Variants in RPH3AL observed in about 807,000 individuals in gnomAD.
The protein encoded by RPH3AL is rab effector Noc2.
RPH3AL carries 38 observed loss-of-function variants against 43.1 expected under a neutral mutation model. The observed-to-expected ratio is 0.88, with a 90% CI of 0.68 to 1.15. The LOEUF (loss-of-function observed/expected upper bound fraction) is 1.15, where lower values mean the gene tolerates loss of function less well. Among genes scored for constraint, RPH3AL ranks in the 50% most tolerant of loss-of-function variants. The pLI is 0.00. For missense variants in RPH3AL, 462 were observed against 423.2 expected, an observed-to-expected ratio of 1.09 and a Z score of -0.81; for synonymous variants, 189 against 176.3, an observed-to-expected ratio of 1.07 and a Z score of -0.57.
intron 1 of RPH3AL, among the ~76,000 whole-genome samples, chr17:351,435 C>T (rs1015398707): frequency 1.5e-4 from 23 of 152,286 alleles, no homozygotes; most frequent in African/African-American, 5.1e-4. Context: ...ACCCTCTGTT[C>T]CCTACAGGAC....
chr17:340,326 C>T (rs566758673), intron 1 of RPH3AL, among the ~76,000 whole-genome samples: 1 of 139,350 alleles, frequency 7.2e-6, no homozygotes, highest in Non-Finnish European at 1.6e-5. Context: ...TGGTGTCATA[C>T]CTCATGCCCA....
At chr17:252,748 G>A (rs1219549723) in intron 6 of RPH3AL, among the ~76,000 whole-genome samples, 2 of 152,152 alleles carry the variant, frequency 1.3e-5, no homozygotes, top group African/African-American at 4.8e-5. Context: ...CAAAATGCTT[G>A]GGACAGAAGT....
rs573572641 is a variant in RPH3AL at position 333,076 on chromosome 17, A to G, written c.-37+683T>C. The G allele has an allele frequency of 7.0e-6, 9 of 1,288,738 alleles. No homozygotes were observed. The highest frequency in any genetic ancestry group is 1.1e-4 in the East Asian group (2 of 17,994). 79.8% of individuals were successfully genotyped at this position (1,288,738 alleles called of 1,614,324 possible). A position where few individuals can be genotyped will look rare whatever the true frequency, so the allele number is the denominator to read the frequency against. ...TCCAGGAGGATGCAATTCTCTCTCTAAAGTCGAGAGCTCACCACCCCGGGC... is the reference window on the plus strand; with the variant it reads ...TCCAGGAGGATGCAATTCTCTCTCTGAAGTCGAGAGCTCACCACCCCGGGC... On this transcript the variant is annotated intron_variant, in intron 2 of 9. Coordinates refer to ENST00000331302, the MANE Select transcript of RPH3AL (RefSeq NM_006987.4). The surrounding 1 kb of genome is among the most constrained non-coding windows in gnomAD (Gnocchi z 4.5).
intron 5 of RPH3AL, among the ~76,000 whole-genome samples, chr17:308,377 G>C (rs778957436): frequency 2.6e-5 from 4 of 152,194 alleles, no homozygotes; most frequent in African/African-American, 9.7e-5. Context: ...CAGCTGCCAC[G>C]GAAAGCAGGG....
At chr17:314,596 C>A (rs879144891) in intron 5 of RPH3AL, among the ~76,000 whole-genome samples, 1 of 149,332 alleles carries the variant, frequency 6.7e-6, no homozygotes, top group Non-Finnish European at 1.5e-5. Flanking sequence ...TGTGCTCCAC[C>A]TCCACTGACC....
intron 5 of RPH3AL, among the ~76,000 whole-genome samples, chr17:306,963 G>A (rs970127797): frequency 6.6e-6 from 1 of 152,148 alleles, no homozygotes; most frequent in African/African-American, 2.4e-5. Context: ...GCCTGCTCCT[G>A]AAGTGCCCTC....
rs1465611332 is a variant in RPH3AL, at chr17:215,257, G to C, written c.876+397C>G. ...ACCAGGGCTGGGCCCAGCAGGTGCA[G>C]GGCAGGGTGGGAGCCCAGGATTCTC... is the stretch of plus-strand genomic sequence containing the variant. On this transcript the variant is annotated intron_variant, in intron 9 of 9. Transcript: ENST00000331302. The surrounding 1 kb of genome is among the most constrained non-coding windows in gnomAD (Gnocchi z 4.1). 1.3e-5 allele frequency among the ~76,000 whole-genome samples: 2 copies of C among 152,200 alleles called. No individual in the cohort carries two copies. Among genetic ancestry groups the C allele is most frequent in the African/African-American group, 4.8e-5 (2 of 41,454 alleles).
At chr17:224,872 C>A (rs560685612) in intron 7 of RPH3AL, among the ~76,000 whole-genome samples, 2 of 150,158 alleles carry the variant, frequency 1.3e-5, no homozygotes, top group Non-Finnish European at 2.9e-5. Flanking sequence ...AGACAAAAAA[C>A]CAAACAGTGC....
intron 5 of RPH3AL, among the ~76,000 whole-genome samples, chr17:316,296 C>T (rs1161183624): frequency 7.0e-6 from 1 of 143,636 alleles, no homozygotes; most frequent in Non-Finnish European, 1.5e-5. Flanking sequence ...AGTCTCTGTG[C>T]TCCACCTCCA....
intron 1 of RPH3AL, among the ~76,000 whole-genome samples, chr17:347,529 A>G (rs1207114569): frequency 1.3e-5 from 2 of 151,920 alleles, no homozygotes; most frequent in Non-Finnish European, 2.9e-5. Context: ...GGTGGCAGGG[A>G]GCCGTGACTG....
chr17:252,924 A>G (rs577716001), intron 6 of RPH3AL, among the ~76,000 whole-genome samples: 23 of 152,314 alleles, frequency 1.5e-4, no homozygotes, highest in Admixed American at 8.5e-4. Flanking sequence ...CCTATATTCC[A>G]CAGAGCGGGA....
At chr17:249,500 A>C (rs1488783273) in intron 6 of RPH3AL, among the ~76,000 whole-genome samples, 1 of 151,446 alleles carries the variant, frequency 6.6e-6, no homozygotes, top group Non-Finnish European at 1.5e-5. Context: ...CACCACCGCC[A>C]CCCCCCTCCT....
Position 323,677 on chromosome 17 carries a change from G to A in RPH3AL, c.78-2262C>T, listed in dbSNP as rs1394156799. ...GGAACACACAGAAGGAGGGACAGAA[G>A]CATCAGCACCGCCACCACTGCCTGT... On this transcript the variant is annotated intron_variant, in intron 3 of 9. Coordinates refer to ENST00000331302, the MANE Select transcript of RPH3AL (RefSeq NM_006987.4). The surrounding 1 kb of genome is among the most constrained non-coding windows in gnomAD (Gnocchi z 4.4). Among the ~76,000 whole-genome samples the A allele has an allele frequency of 2.0e-5, 3 of 152,172 alleles. No individual in the cohort carries two copies. Among genetic ancestry groups the A allele is most frequent in the African/African-American group, 7.2e-5 (3 of 41,418 alleles).
rs1567597157 is a variant in RPH3AL at position 264,539 on chromosome 17, G to A, written c.438+17229C>T. On this transcript the variant is annotated intron_variant, in intron 6 of 9. Coordinates refer to ENST00000331302, the MANE Select transcript of RPH3AL (RefSeq NM_006987.4). This position sits in a 1 kb window ranked among gnomAD's most constrained non-coding sequence, Gnocchi z 4.8. ...TTACCCTTCGGAGCCGTGCGCGCTG[G>A]ATGGGGACTCAGAATCCGCACCGTG... Among the ~76,000 whole-genome samples, 2 of 152,080 alleles carry A rather than the reference G, an allele frequency of 1.3e-5. No individual in the cohort carries two copies. Among genetic ancestry groups the A allele is most frequent in the African/African-American group, 4.8e-5 (2 of 41,368 alleles).
At chr17:320,641 C>G (rs530386687) in intron 4 of RPH3AL, among the ~76,000 whole-genome samples, 151 of 151,588 alleles carry the variant, frequency 1.0e-3, no homozygotes, top group Non-Finnish European at 1.6e-3. Context: ...CCTGTCCCCC[C>G]CAAAAAAAAA....
At position 225,666 on chromosome 17, in the gene RPH3AL, G is replaced by A. The variant is rs990016048; in HGVS notation, c.614-5930C>T. Among the ~76,000 whole-genome samples the A allele has an allele frequency of 3.9e-5, 6 of 152,320 alleles. No homozygotes were observed. The highest frequency in any genetic ancestry group is 5.9e-5 in the Non-Finnish European group (4 of 68,018). On this transcript the variant is annotated intron_variant, in intron 7 of 9. Coordinates refer to ENST00000331302, the MANE Select transcript of RPH3AL (RefSeq NM_006987.4). The surrounding 1 kb of genome is among the most constrained non-coding windows in gnomAD (Gnocchi z 4.4). ...GGGTGGGGTGGCTCGTCTGCACACC[G>A]GTTTCCGCCTCTCTCTGGCAGAGAT... is the stretch of plus-strand genomic sequence containing the variant.
In RPH3AL at chr17:328,768, A is replaced by G. The variant is rs2044678143; in HGVS notation, c.-36-1189T>C. ...TTACAATGGATTATTATTATTTACA[A>G]TGGAGTATGATTTACAATGGATTAT... is the stretch of plus-strand genomic sequence containing the variant. On this transcript the variant is annotated intron_variant, in intron 2 of 9. Coordinates refer to ENST00000331302, the MANE Select transcript of RPH3AL (RefSeq NM_006987.4). The surrounding 1 kb of genome is among the most constrained non-coding windows in gnomAD (Gnocchi z 4.2). Among the ~76,000 whole-genome samples the G allele has an allele frequency of 6.6e-6, 1 of 152,212 alleles. No individual in the cohort carries two copies. The highest frequency in any genetic ancestry group is 2.1e-4 in the South Asian group (1 of 4,830).
intron 1 of RPH3AL, among the ~76,000 whole-genome samples, chr17:346,809 C>A (rs2045245344): frequency 7.4e-6 from 1 of 135,356 alleles, no homozygotes; most frequent in Admixed American, 7.1e-5. Context: ...GCAAACAAGC[C>A]AATGAAAAGA....
intron 5 of RPH3AL, among the ~76,000 whole-genome samples, chr17:294,583 G>A (rs2043126459): frequency 2.1e-5 from 3 of 146,010 alleles, no homozygotes; most frequent in South Asian, 2.2e-4. Flanking sequence ...TGCAGAAATG[G>A]ATGGACAGAG....
Sources: allele counts gnomAD v4.1 joint callset (sites outside exome capture counted in the v4.1 genomes callset), GRCh38; gene constraint gnomAD v4.1.1; non-coding constraint Gnocchi (gnomAD v3.1); transcripts MANE v1.5; gene names NCBI Gene and HGNC (gene_info 2026-07-23, HGNC 2026-07-21).